The following PLGRKT variants were observed in gnomAD, a reference collection of about 807,000 sequenced individuals.
PLGRKT encodes the protein plasminogen receptor with a C-terminal lysine.
PLGRKT carries 22 observed loss-of-function variants against 18.5 expected under a neutral mutation model. That is an observed-to-expected ratio of 1.19 (90% CI 0.85 to 1.70). The LOEUF (loss-of-function observed/expected upper bound fraction) is 1.70, where lower values mean the gene tolerates loss of function less well. Among genes scored for constraint, PLGRKT ranks in the 40% most tolerant of loss-of-function variants. The probability of loss-of-function intolerance (pLI) is 0.00; values close to 1 mark genes in which losing one functional copy is unlikely to be tolerated. For synonymous variants in PLGRKT, 72 were observed against 52.8 expected (o/e 1.36, Z -1.58); for missense variants, 235 against 174.4 (o/e 1.35, Z -1.96).
At chr9:5,382,580 T>A (rs1299150008) in intron 3 of PLGRKT, among the ~76,000 whole-genome samples, 1 of 151,996 alleles carries the variant, frequency 6.6e-6, no homozygotes. Flanking sequence ...ACTGAGGTAA[T>A]GGAGGAAGGA....
chr9:5,425,848 T>C (rs1405786233), intron 3 of PLGRKT, among the ~76,000 whole-genome samples: 1 of 152,156 alleles, frequency 6.6e-6, no homozygotes, highest in Non-Finnish European at 1.5e-5. Context: ...TTGTTTTTAA[T>C]CAAAAAATAA....
Position 5,388,742 on chromosome 9 carries a change from G to C in PLGRKT, c.82-26854C>G, listed in dbSNP as rs139364168. Among the ~76,000 whole-genome samples, 934 of 152,112 alleles carry C rather than the reference G, an allele frequency of 6.1e-3. 31 individuals carry two copies. Among genetic ancestry groups the C allele is most frequent in the African/African-American group, 0.022 (891 of 41,364 alleles). ...ACTTGTGATGAAATGTCCCTCTTTAGAGAAACAGGACTTCCACTTAACCTC... is the reference window on the plus strand; with the variant it reads ...ACTTGTGATGAAATGTCCCTCTTTACAGAAACAGGACTTCCACTTAACCTC... On this transcript the variant is annotated intron_variant, in intron 3 of 5. Coordinates refer to ENST00000223864, the MANE Select transcript of PLGRKT (RefSeq NM_018465.4).
chr9:5,378,798 T>C (rs1295011750), intron 3 of PLGRKT, among the ~76,000 whole-genome samples: 1 of 152,126 alleles, frequency 6.6e-6, no homozygotes, highest in African/African-American at 2.4e-5. Flanking sequence ...GATTTAACCA[T>C]CTCTTTCAGA....
chr9:5,396,851 A>G (rs1186981618), intron 3 of PLGRKT, among the ~76,000 whole-genome samples: 3 of 151,980 alleles, frequency 2.0e-5, no homozygotes, highest in African/African-American at 7.3e-5. Context: ...CAACTCCAAC[A>G]AAGACTGGAA....
intron 3 of PLGRKT, among the ~76,000 whole-genome samples, chr9:5,367,050 C>CACAT (rs1817407203): frequency 6.6e-6 from 1 of 150,860 alleles, no homozygotes; most frequent in African/African-American, 2.4e-5. Flanking sequence ...CACACACACA[C>CACAT]ACACACACAC....
intron 3 of PLGRKT, among the ~76,000 whole-genome samples, chr9:5,385,453 C>T (rs1204886659): frequency 6.6e-6 from 1 of 151,602 alleles, no homozygotes; most frequent in East Asian, 1.9e-4. Flanking sequence ...GCCTCGTGAT[C>T]CTCCTGCCTC....
intron 3 of PLGRKT, among the ~76,000 whole-genome samples, chr9:5,367,055 A>C (rs1489963953): frequency 6.7e-6 from 1 of 150,150 alleles, no homozygotes; most frequent in African/African-American, 2.5e-5. Flanking sequence ...ACACACACAC[A>C]CACACACACA....
intron 3 of PLGRKT, among the ~76,000 whole-genome samples, chr9:5,430,342 A>T (rs1193871362): frequency 6.6e-6 from 1 of 152,236 alleles, no homozygotes; most frequent in African/African-American, 2.4e-5. Flanking sequence ...AGCATCGGAT[A>T]GCTGGCTGAT....
At chr9:5,429,273 A>T (rs1818767218) in intron 3 of PLGRKT, among the ~76,000 whole-genome samples, 1 of 152,164 alleles carries the variant, frequency 6.6e-6, no homozygotes, top group African/African-American at 2.4e-5. Context: ...AGAAACATAG[A>T]AGCCCAGGGA....
intron 3 of PLGRKT, among the ~76,000 whole-genome samples, chr9:5,395,105 C>CAAAAA (rs34566239): frequency 2.3e-4 from 28 of 123,526 alleles, no homozygotes; most frequent in African/African-American, 3.6e-4. Context: ...AAAGGCTTTG[C>CAAAAA]AAAAAAAAAA....
intron 3 of PLGRKT, among the ~76,000 whole-genome samples, chr9:5,367,583 C>G (rs1020211831): frequency 6.6e-6 from 1 of 152,074 alleles, no homozygotes; most frequent in African/African-American, 2.4e-5. Context: ...ATATACAAAA[C>G]TTAACTCAAA....
rs1301244187 is a variant in PLGRKT at position 5,361,127 on chromosome 9, G to A, written c.273C>T (p.Leu91=). ...CATAGCCCAAGTCATACTGGTAGGTGAGGATAAAGCTTAATGGAACAATCG... is the reference window on the plus strand; with the variant it reads ...CATAGCCCAAGTCATACTGGTAGGTAAGGATAAAGCTTAATGGAACAATCG... ...LVPIVPLSFI[L]TYQYDLGYGT... is the part of the protein sequence containing the mutation. Residue 91 remains leucine (L), a synonymous_variant, in exon 5 of 6, where the codon CTC becomes CTT. Coordinates refer to ENST00000223864, the MANE Select transcript of PLGRKT (RefSeq NM_018465.4). The A allele has an allele frequency of 3.7e-6, 6 of 1,610,368 alleles. No homozygotes were observed. In the South Asian group the frequency reaches 5.5e-5, roughly 15 times the overall value.
rs1818505731 is a variant in PLGRKT, at chr9:5,418,405, C to T, written c.81+13492G>A. ...TGTCACAGTCAAGCGCTTAGAAATG[C>T]AGGACATGTTATGGAGCACGATGCT... On this transcript the variant is annotated intron_variant, in intron 3 of 5. Coordinates refer to ENST00000223864, the MANE Select transcript of PLGRKT (RefSeq NM_018465.4). This position sits in a 1 kb window ranked among gnomAD's most constrained non-coding sequence, Gnocchi z 4.2. The T allele has an allele frequency of 1.2e-6, 1 of 833,750 alleles. No individual in the cohort carries two copies. The highest frequency in any genetic ancestry group is 2.1e-6 in the Non-Finnish European group (1 of 484,676). The allele number at this position is 833,750 out of a possible 1,614,324, so 51.6% of individuals were successfully genotyped here.
At chr9:5,358,823 C>T (rs1394818227) in intron 5 of PLGRKT, among the ~76,000 whole-genome samples, 1 of 152,100 alleles carries the variant, frequency 6.6e-6, no homozygotes, top group African/African-American at 2.4e-5. Context: ...ATTAAATGTT[C>T]TTCAGTCTGT....
chr9:5,428,171 A>C (rs1818739139), intron 3 of PLGRKT, among the ~76,000 whole-genome samples: 1 of 152,180 alleles, frequency 6.6e-6, no homozygotes, highest in Non-Finnish European at 1.5e-5. Context: ...GGGTAGACTA[A>C]AAGCGTCAGA....
At position 5,418,859 on chromosome 9, in the gene PLGRKT, G is replaced by T; in HGVS notation, c.81+13038C>A. 1.9e-6 allele frequency: 2 copies of T among 1,050,892 alleles called. No individual in the cohort carries two copies. Among genetic ancestry groups the T allele is most frequent in the Non-Finnish European group, 2.9e-6 (2 of 679,194 alleles). 65.1% of individuals were successfully genotyped at this position (1,050,892 alleles called of 1,614,324 possible). On this transcript the variant is annotated intron_variant, in intron 3 of 5. Transcript: ENST00000223864. The surrounding 1 kb of genome is among the most constrained non-coding windows in gnomAD (Gnocchi z 4.2). Reference sequence around the variant, plus strand: ...ACATCCTTCTGGCTGGTCCTCGTCTGCTGGAGGCAAACTGAACAGCAGGTG... The same window carrying T: ...ACATCCTTCTGGCTGGTCCTCGTCTTCTGGAGGCAAACTGAACAGCAGGTG...
intron 3 of PLGRKT, among the ~76,000 whole-genome samples, chr9:5,396,703 C>A (rs1818056594): frequency 6.6e-6 from 1 of 151,844 alleles, no homozygotes; most frequent in Admixed American, 6.5e-5. Flanking sequence ...TAAATAAAGA[C>A]ATTTTAAGAA....
At chr9:5,388,156 A>G (rs542160755) in intron 3 of PLGRKT, among the ~76,000 whole-genome samples, 1 of 151,996 alleles carries the variant, frequency 6.6e-6, no homozygotes, top group South Asian at 2.1e-4. Context: ...AAAGAAGACA[A>G]TGGCAATCTG....
chr9:5,418,115 C>T lies in PLGRKT; in HGVS notation c.81+13782G>A, dbSNP rs80162642. Reference sequence around the variant, plus strand: ...ATCAGAAATTACAGTCCATTGAATACATGATTATGAGGATGCATGCAATCA... The same window carrying T: ...ATCAGAAATTACAGTCCATTGAATATATGATTATGAGGATGCATGCAATCA... On this transcript the variant is annotated intron_variant, in intron 3 of 5. Transcript: ENST00000223864. The surrounding 1 kb of genome is among the most constrained non-coding windows in gnomAD (Gnocchi z 4.2). Among the ~76,000 whole-genome samples the T allele has an allele frequency of 0.012, 1,867 of 152,262 alleles. 47 individuals are homozygous for T. The highest frequency in any genetic ancestry group is 0.043 in the African/African-American group (1,786 of 41,516).
Sources: allele counts gnomAD v4.1 joint callset (sites outside exome capture counted in the v4.1 genomes callset), GRCh38; gene constraint gnomAD v4.1.1; non-coding constraint Gnocchi (gnomAD v3.1); transcripts MANE v1.5; gene names NCBI Gene and HGNC (gene_info 2026-07-23, HGNC 2026-07-21).